Variants in CWH43 observed in about 807,000 individuals in gnomAD.
The protein encoded by CWH43 is cell wall biogenesis 43 C-terminal homolog.
CWH43 carries 91 observed loss-of-function variants against 85.7 expected under a neutral mutation model. The observed-to-expected ratio is 1.06, with a 90% CI of 0.90 to 1.26. The LOEUF is 1.26. Among genes scored for constraint, CWH43 ranks in the 50% most tolerant of loss-of-function variants. CWH43 has a pLI of 0.00. For synonymous variants in CWH43, 323 were observed against 293.6 expected (o/e 1.10, Z -1.02); for missense variants, 869 against 839.2 (o/e 1.04, Z -0.44).
chr4:49,042,298 C>T (rs1193480131), intron 13 of CWH43, among the ~76,000 whole-genome samples: 7 of 152,120 alleles, frequency 4.6e-5, no homozygotes, highest in Admixed American at 2.0e-4. Flanking sequence ...GTGAGTATCC[C>T]AAGAGAACAA....
chr4:49,014,646 C>A (rs925837105), intron 8 of CWH43, among the ~76,000 whole-genome samples: 13 of 151,770 alleles, frequency 8.6e-5, no homozygotes, highest in African/African-American at 3.1e-4. Flanking sequence ...CTTTAATTCA[C>A]TTATCAAATC....
intron 4 of CWH43, among the ~76,000 whole-genome samples, chr4:48,993,573 A>C (rs1782721177): frequency 6.6e-6 from 1 of 152,188 alleles, no homozygotes; most frequent in Non-Finnish European, 1.5e-5. Context: ...TTCTACGAAG[A>C]AGTCCTCCTG....
intron 8 of CWH43, among the ~76,000 whole-genome samples, chr4:49,009,937 C>CT (rs1783299447): frequency 6.6e-6 from 1 of 152,032 alleles, no homozygotes; most frequent in Non-Finnish European, 1.5e-5. Context: ...TTAAAGTTCT[C>CT]TTTTTTTGTT....
rs1192230483 is a variant in CWH43 at position 48,992,229 on chromosome 4, A to C, written c.511+139A>C. On this transcript the variant is annotated intron_variant, in intron 4 of 15. Coordinates refer to ENST00000226432, the MANE Select transcript of CWH43 (RefSeq NM_025087.3). The surrounding 1 kb of genome is among the most constrained non-coding windows in gnomAD (Gnocchi z 4.3). ...TTCAGCTTTTTCTTCCTCTGAAATA[A>C]TAATTGGTGCAGCCAGTGGGCTATT... is the stretch of plus-strand genomic sequence containing the variant. 1.3e-6 allele frequency: 1 copy of C among 756,980 alleles called. No homozygotes were observed. The highest frequency in any genetic ancestry group is 2.1e-6 in the Non-Finnish European group (1 of 479,912). 46.9% of individuals were successfully genotyped at this position (756,980 alleles called of 1,614,324 possible).
chr4:49,009,296 G>A (rs978529358), intron 8 of CWH43, among the ~76,000 whole-genome samples: 10 of 152,144 alleles, frequency 6.6e-5, no homozygotes, highest in Admixed American at 6.6e-4. Context: ...TGGTGTATAG[G>A]AATGGTTGGG....
intron 9 of CWH43, among the ~76,000 whole-genome samples, chr4:49,023,546 T>C (rs1226422335): frequency 6.6e-6 from 1 of 152,196 alleles, no homozygotes; most frequent in Admixed American, 6.5e-5. Context: ...AGCTAAATTT[T>C]GTATTTTTAG....
At chr4:49,032,287 A>G (rs1286392377) in intron 11 of CWH43, among the ~76,000 whole-genome samples, 1 of 152,216 alleles carries the variant, frequency 6.6e-6, no homozygotes, top group African/African-American at 2.4e-5. Flanking sequence ...TGCAAATACA[A>G]TGGGTTTTTT....
In CWH43 at chr4:48,986,301, G is replaced by T. The variant is rs777933980; in HGVS notation, c.-129G>T. 2.1e-5 allele frequency: 19 copies of T among 898,872 alleles called. No homozygotes were observed. The highest frequency in any genetic ancestry group is 3.5e-4 in the Middle Eastern group (1 of 2,858). 55.7% of individuals were successfully genotyped at this position (898,872 alleles called of 1,614,324 possible). A position where few individuals can be genotyped will look rare whatever the true frequency, so the allele number is the denominator to read the frequency against. ...GTTGGCTGGGGCTCACTTGGCAACGGGACGCGGGAACGAGGGGCGCGGACG... is the reference window on the plus strand; with the variant it reads ...GTTGGCTGGGGCTCACTTGGCAACGTGACGCGGGAACGAGGGGCGCGGACG... On this transcript the variant is annotated 5_prime_UTR_variant, in exon 1 of 16. Transcript: ENST00000226432.
chr4:49,036,941 T>C (rs1784280048), intron 12 of CWH43, among the ~76,000 whole-genome samples: 1 of 152,202 alleles, frequency 6.6e-6, no homozygotes. Context: ...TTCTGGACTC[T>C]GATAATATCA....
intron 9 of CWH43, among the ~76,000 whole-genome samples, chr4:49,027,848 G>A (rs1272890011): frequency 1.3e-5 from 2 of 152,072 alleles, no homozygotes; most frequent in African/African-American, 2.4e-5. Context: ...TACCCTAGTA[G>A]GTAATCATTT....
Position 48,986,557 on chromosome 4 carries a change from G to A in CWH43, c.43+85G>A, listed in dbSNP as rs955567488. The A allele has an allele frequency of 2.3e-4, 360 of 1,541,424 alleles. 1 individual carries two copies. Among genetic ancestry groups the A allele is most frequent in the Non-Finnish European group, 3.0e-4 (347 of 1,142,576 alleles). On this transcript the variant is annotated intron_variant, in intron 1 of 15. Transcript: ENST00000226432. ...GCCGTGGAGCCAGGCCAGGTTGGCT[G>A]AGTTCAGGTAGGAGGAAAAGGGCGC...
intron 10 of CWH43, 86 bp from the exon 11 acceptor site, chr4:49,030,739 G>T: frequency 7.6e-7 from 1 of 1,313,386 alleles, no homozygotes; most frequent in African/African-American, 1.5e-5. Flanking sequence ...AGAAAAAAAG[G>T]TTAAGGGTCA....
At chr4:48,986,892 G>C in intron 1 of CWH43, 1 of 828,440 alleles carries the variant, frequency 1.2e-6, no homozygotes, top group Non-Finnish European at 1.5e-6. Flanking sequence ...TTCCCCAGGA[G>C]CTGTAGGTGG....
Position 48,988,466 on chromosome 4 carries a change from T to C in CWH43, c.44-11T>C. On this transcript the variant is annotated splice_polypyrimidine_tract_variant and intron_variant, in intron 1 of 15. Coordinates refer to ENST00000226432, the MANE Select transcript of CWH43 (RefSeq NM_025087.3). Reference sequence around the variant, plus strand: ...TACACTTTCTCTCTTTAACTTTTTTTTTTTTTGTAGGATGTGTTTCTTGGT... The same window carrying C: ...TACACTTTCTCTCTTTAACTTTTTTCTTTTTTGTAGGATGTGTTTCTTGGT... 6.4e-7 allele frequency: 1 copy of C among 1,558,836 alleles called. No individual in the cohort carries two copies. Among genetic ancestry groups the C allele is most frequent in the Non-Finnish European group, 8.6e-7 (1 of 1,159,572 alleles).
At chr4:49,048,780 G>A (rs1281930805) in intron 14 of CWH43, among the ~76,000 whole-genome samples, 4 of 152,060 alleles carry the variant, frequency 2.6e-5, no homozygotes, top group Admixed American at 6.6e-5. Context: ...TGGCCACACT[G>A]GGGGTTAGAG....
At chr4:49,050,420 T>C (rs1389365521) in intron 14 of CWH43, among the ~76,000 whole-genome samples, 1 of 152,228 alleles carries the variant, frequency 6.6e-6, no homozygotes, top group Non-Finnish European at 1.5e-5. Flanking sequence ...GCAATTTGTA[T>C]GGCTAGAATA....
intron 9 of CWH43, among the ~76,000 whole-genome samples, chr4:49,019,842 A>T (rs941833518): frequency 4.6e-5 from 7 of 152,084 alleles, no homozygotes; most frequent in African/African-American, 1.7e-4. Context: ...GACCTCCCAA[A>T]GTGCTGGGAT....
intron 8 of CWH43, among the ~76,000 whole-genome samples, chr4:49,016,329 CACACAGGAGTGGG>C (rs1783544973): frequency 6.6e-6 from 1 of 152,080 alleles, no homozygotes; most frequent in African/African-American, 2.4e-5. Flanking sequence ...ATACAGAGCA[CACACAGGAGTGGG>C]CACCATGGAA....
chr4:49,014,588 T>C (rs1245473105), intron 8 of CWH43, among the ~76,000 whole-genome samples: 4 of 152,184 alleles, frequency 2.6e-5, no homozygotes, highest in African/African-American at 9.6e-5. Flanking sequence ...TTGTTTTTAA[T>C]CCTGACAATC....
Sources: gnomAD v4.1 joint callset for allele counts (sites outside exome capture counted in the v4.1 genomes callset) on GRCh38, gnomAD v4.1.1 for gene constraint, Gnocchi (gnomAD v3.1) non-coding constraint, MANE v1.5 for transcripts, NCBI Gene and HGNC (gene_info 2026-07-23, HGNC 2026-07-21) for gene names.